The following ALG9 variants were observed in gnomAD, a reference collection of about 807,000 sequenced individuals.
The protein encoded by ALG9 is alpha-1,2-mannosyltransferase ALG9.
ALG9 carries 55 observed loss-of-function variants against 81.8 expected under a neutral mutation model. The ratio of observed to expected loss-of-function variants is 0.67; its 90% CI spans 0.54 to 0.84. The LOEUF (loss-of-function observed/expected upper bound fraction) is 0.84, where lower values mean the gene tolerates loss of function less well. Among genes scored for constraint, ALG9 ranks in the 40% least tolerant of loss-of-function variants. The probability of loss-of-function intolerance (pLI) is 0.00; values close to 1 mark genes in which losing one functional copy is unlikely to be tolerated. For synonymous variants in ALG9, 278 were observed against 274.3 expected (o/e 1.01, Z -0.13); for missense variants, 629 against 745.0 (o/e 0.84, Z 1.81).
At chr11:111,817,336 C>T (rs1020963721) in intron 13 of ALG9, 2 of 152,232 alleles carry the variant, frequency 1.3e-5, no homozygotes, top group African/African-American at 4.8e-5. Context: ...CTGTAATATT[C>T]AGTTGTGAAG....
At chr11:111,832,564 T>A (rs1267413079) in intron 13 of ALG9, among the ~76,000 whole-genome samples, 1 of 152,214 alleles carries the variant, frequency 6.6e-6, no homozygotes, top group South Asian at 2.1e-4. Flanking sequence ...CCATCATGCA[T>A]GGCTAATTTT....
intron 13 of ALG9, 24 bp downstream of exon 13, chr11:111,836,141 G>T: frequency 6.2e-7 from 1 of 1,613,304 alleles, no homozygotes; most frequent in Non-Finnish European, 8.5e-7. Flanking sequence ...TTTCAGAGAA[G>T]CAAGAAGAGA....
intron 14 of ALG9, among the ~76,000 whole-genome samples, chr11:111,789,692 C>T (rs1043366993): frequency 4.6e-5 from 7 of 151,100 alleles, no homozygotes; most frequent in East Asian, 2.0e-4. Context: ...AATAACAGCG[C>T]GCCTGTAATC....
intron 14 of ALG9, 121 bp downstream of exon 14, chr11:111,809,522 A>C: frequency 8.4e-7 from 1 of 1,195,762 alleles, no homozygotes; most frequent in Non-Finnish European, 1.2e-6. Context: ...TCCATTACAC[A>C]CACACACACA....
chr11:111,826,315 G>C (rs1023592401), intron 13 of ALG9, among the ~76,000 whole-genome samples: 1 of 151,114 alleles, frequency 6.6e-6, no homozygotes, highest in African/African-American at 2.4e-5. Flanking sequence ...GAGTCAGGGA[G>C]GTCGAGGCTG....
At chr11:111,820,379 T>C (rs1952133321) in intron 13 of ALG9, among the ~76,000 whole-genome samples, 1 of 152,198 alleles carries the variant, frequency 6.6e-6, no homozygotes. Context: ...TGCCATCTCA[T>C]GGCAGAAGGC....
rs782752564 is a variant in ALG9 at position 111,836,226 on chromosome 11, A to G, written c.1541T>C (p.Leu514Pro). 5 of 1,614,080 alleles carry G rather than the reference A, an allele frequency of 3.1e-6. No homozygotes were observed. The highest frequency in any genetic ancestry group is 3.4e-6 in the Non-Finnish European group (4 of 1,179,950). The change falls in exon 13 of 15, where the codon CTG becomes CCG. Residue 514 changes from leucine (L) to proline (P), a missense_variant. Transcript: ENST00000616540. ...GTCAGTAGGAACAATCCGGGTGGCC[A>G]GAGGTCCTTCTGCAAAAGGTTTTGG... Reference protein sequence around the residue: ...QLPKPFAEGPLATRIVPTDMN... With the variant: ...QLPKPFAEGPPATRIVPTDMN...
rs1955698611 is a variant in ALG9 at position 111,838,491 on chromosome 11, G to T, written c.1174-92C>A. ...GAAGCCAAAAAAGAGGTTCTATTAGGGATCTGAGCATTTGCCAACAGTGAG... is the reference window on the plus strand; with the variant it reads ...GAAGCCAAAAAAGAGGTTCTATTAGTGATCTGAGCATTTGCCAACAGTGAG... On this transcript the variant is annotated intron_variant, in intron 10 of 14. Transcript: ENST00000616540. 5.9e-6 allele frequency: 7 copies of T among 1,192,034 alleles called. No individual in the cohort carries two copies. In the East Asian group the frequency reaches 1.5e-4, roughly 26 times the overall value. 73.8% of individuals were successfully genotyped at this position (1,192,034 alleles called of 1,614,324 possible). A position where few individuals can be genotyped will look rare whatever the true frequency, so the allele number is the denominator to read the frequency against.
At chr11:111,797,646 C>A (rs1258021218) in intron 14 of ALG9, among the ~76,000 whole-genome samples, 1 of 152,248 alleles carries the variant, frequency 6.6e-6, no homozygotes, top group Non-Finnish European at 1.5e-5. Flanking sequence ...GTCGTCTTAT[C>A]TTCCATAGAG....
chr11:111,868,558 C>A, intron 3 of ALG9, 44 bp downstream of exon 3: 6 of 1,602,428 alleles, frequency 3.7e-6, no homozygotes, highest in Non-Finnish European at 3.4e-6. Flanking sequence ...CAGAGACTCA[C>A]CTCTTGATCA....
At chr11:111,859,732 C>G (rs1555146353) in intron 5 of ALG9, among the ~76,000 whole-genome samples, 1 of 152,054 alleles carries the variant, frequency 6.6e-6, no homozygotes, top group East Asian at 1.9e-4. Flanking sequence ...CCTGACATCT[C>G]TGCAGAACAA....
chr11:111,849,208 G>A (rs1309759739), intron 8 of ALG9, among the ~76,000 whole-genome samples: 3 of 151,884 alleles, frequency 2.0e-5, no homozygotes, highest in East Asian at 1.9e-4. Context: ...GCACCACCAC[G>A]CCCAGCTAAT....
chr11:111,836,536 C>G (rs1180270924), intron 12 of ALG9: 2 of 459,562 alleles, frequency 4.4e-6, no homozygotes, highest in East Asian at 8.6e-5. Context: ...AAATTCACAA[C>G]CAAATGGTCA....
intron 14 of ALG9, among the ~76,000 whole-genome samples, chr11:111,790,546 G>C (rs1171681684): frequency 3.3e-5 from 5 of 152,054 alleles, no homozygotes; most frequent in Admixed American, 3.3e-4. Context: ...AGTTCAAAAG[G>C]CAAGCTAAAA....
At chr11:111,820,128 T>C (rs1345466028) in intron 13 of ALG9, among the ~76,000 whole-genome samples, 1 of 151,460 alleles carries the variant, frequency 6.6e-6, no homozygotes, top group African/African-American at 2.4e-5. Context: ...GCCATCAAAA[T>C]ATATGACTCT....
chr11:111,787,648 C>T (rs1364933484), intron 14 of ALG9, among the ~76,000 whole-genome samples: 1 of 151,496 alleles, frequency 6.6e-6, no homozygotes, highest in Non-Finnish European at 1.5e-5. Flanking sequence ...TTAGTAGAGA[C>T]GGGGTTTCAC....
chr11:111,780,563 A>G (rs1262684837), downstream of ALG9, among the ~76,000 whole-genome samples: 1 of 151,692 alleles, frequency 6.6e-6, no homozygotes, highest in African/African-American at 2.4e-5. Flanking sequence ...TGCCCAGCTA[A>G]TTTTTGTATT....
rs781834049 is a variant in ALG9 at position 111,840,705 on chromosome 11, C to T, written c.1123G>A (p.Val375Met). 2 of 1,613,922 alleles carry T rather than the reference C, an allele frequency of 1.2e-6. No homozygotes were observed. The highest frequency in any genetic ancestry group is 1.7e-5 in the Admixed American group (1 of 60,012). The change falls in exon 10 of 15, where the codon GTG becomes ATG. Residue 375 changes from valine to methionine, a missense_variant. By Grantham distance (21) the Val-to-Met change is conservative (BLOSUM62 1). Around this residue, in one of 3 missense-constraint regions of ALG9, gnomAD observed 264 missense variants for 302.2 expected, o/e 0.87. Transcript: ENST00000616540. ...CCACAGAGACATATAAGTGGATACA[C>T]AGGGAAAAGAAATCTCTCCTCTTTG... ...PHKEERFLFP[V>M]YPLICLCGAV...
rs139532312 is a variant in ALG9, at chr11:111,858,299, A to G, written c.566-562T>C. Among the ~76,000 whole-genome samples, 302 of 152,156 alleles carry G rather than the reference A, an allele frequency of 2.0e-3. 5 individuals are homozygous for G. Among genetic ancestry groups the G allele is most frequent in the African/African-American group, 7.0e-3 (289 of 41,548 alleles). ...ATTCTAACCATGTAATTCCTCTCCCAGCCTACACCTCAAATCAAAAACTCA... is the reference window on the plus strand; with the variant it reads ...ATTCTAACCATGTAATTCCTCTCCCGGCCTACACCTCAAATCAAAAACTCA... On this transcript the variant is annotated intron_variant, in intron 5 of 14. Transcript: ENST00000616540.
Sources: gnomAD v4.1 joint callset for allele counts (sites outside exome capture counted in the v4.1 genomes callset) on GRCh38, gnomAD v4.1.1 for gene constraint, gnomAD v4.1.1 regional missense constraint, MANE v1.5 for transcripts, NCBI Gene and HGNC (gene_info 2026-07-23, HGNC 2026-07-21) for gene names.